Variants in KCNJ15 observed in about 807,000 individuals in gnomAD.
KCNJ15 encodes the protein potassium inwardly rectifying channel subfamily J member 15.
In KCNJ15, 14 loss-of-function variants were observed where a neutral mutation model predicts 23.0. That is an observed-to-expected ratio of 0.61 (90% CI 0.40 to 0.95). The LOEUF (loss-of-function observed/expected upper bound fraction) is 0.95, where lower values mean the gene tolerates loss of function less well. Among genes scored for constraint, KCNJ15 ranks in the 40% least tolerant of loss-of-function variants. The pLI is 0.00. For missense variants in KCNJ15, 388 were observed against 461.8 expected (o/e 0.84, Z 1.46); for synonymous variants, 185 against 183.2 (o/e 1.01, Z -0.08).
intron 1 of KCNJ15, among the ~76,000 whole-genome samples, chr21:38,260,655 G>A (rs915308239): frequency 8.5e-5 from 13 of 152,196 alleles, no homozygotes; most frequent in Non-Finnish European, 1.5e-4. Flanking sequence ...GAAGATGCAG[G>A]AGAAGGACAA....
rs769869767 is a variant in KCNJ15 at position 38,301,783 on chromosome 21, T to C, written c.*1394T>C. The C allele has an allele frequency of 6.0e-6, 1 of 167,050 alleles. No homozygotes were observed. The highest frequency in any genetic ancestry group is 1.5e-5 in the Non-Finnish European group (1 of 68,106). 10.3% of individuals were successfully genotyped at this position (167,050 alleles called of 1,614,324 possible). On this transcript the variant is annotated 3_prime_UTR_variant, in exon 3 of 3. Transcript: ENST00000398938. ...AGGGGTCTAGTGCCCTGCATTCCTT[T>C]GAGGCAAAAAATAAATGGGCTATGA...
chr21:38,231,476 G>T (rs966496165), intron 1 of KCNJ15, among the ~76,000 whole-genome samples: 1 of 151,810 alleles, frequency 6.6e-6, no homozygotes, highest in East Asian at 1.9e-4. Context: ...CCAATATATT[G>T]TTAAATAGAA....
In KCNJ15 at chr21:38,286,394, A is replaced by G. The variant is rs975359082; in HGVS notation, c.-116-10532A>G. ...CCCCCTCTGTTTTTATGTCAGAAGAAACTGTACCATTACTTCTAGAGTAGA... is the reference window on the plus strand; with the variant it reads ...CCCCCTCTGTTTTTATGTCAGAAGAGACTGTACCATTACTTCTAGAGTAGA... On this transcript the variant is annotated intron_variant, in intron 1 of 2. Transcript: ENST00000398938. Among the ~76,000 whole-genome samples, 3 of 152,226 alleles carry G rather than the reference A, an allele frequency of 2.0e-5. No individual in the cohort carries two copies. In the East Asian group the frequency reaches 5.8e-4, roughly 29 times the overall value.
At chr21:38,297,325 G>A (rs144529990) in intron 2 of KCNJ15, among the ~76,000 whole-genome samples, 1 of 152,200 alleles carries the variant, frequency 6.6e-6, no homozygotes. Flanking sequence ...CTTTGAAAGA[G>A]AGTTTCAAAC....
chr21:38,241,957 A>C (rs1408231517), intron 1 of KCNJ15, among the ~76,000 whole-genome samples: 1 of 147,096 alleles, frequency 6.8e-6, no homozygotes, highest in Non-Finnish European at 1.5e-5. Flanking sequence ...TGACAGAGCA[A>C]GACTCCATCT....
intron 1 of KCNJ15, among the ~76,000 whole-genome samples, chr21:38,240,341 C>T (rs2123552808): frequency 6.6e-6 from 1 of 152,324 alleles, no homozygotes; most frequent in South Asian, 2.1e-4. Flanking sequence ...TGAAGCCACT[C>T]TGGCCAGTTT....
At chr21:38,272,102 C>T (rs1236728904) in intron 1 of KCNJ15, 2 of 152,222 alleles carry the variant, frequency 1.3e-5, no homozygotes, top group East Asian at 3.8e-4. Flanking sequence ...CTGGTGACTT[C>T]TACCACCTCT....
chr21:38,260,834 C>T (rs1217553947), intron 1 of KCNJ15, among the ~76,000 whole-genome samples: 2 of 152,120 alleles, frequency 1.3e-5, no homozygotes, highest in African/African-American at 4.8e-5. Flanking sequence ...TTGATTCTGT[C>T]TCTCCCACCC....
chr21:38,238,263 C>A (rs1049625896), intron 1 of KCNJ15: 3 of 670,012 alleles, frequency 4.5e-6, no homozygotes, highest in African/African-American at 3.6e-5. Context: ...CACAGGGATC[C>A]ATGATGAGCA....
Position 38,301,968 on chromosome 21 carries a change from ACACACACACACATG to A in KCNJ15, c.*1587_*1600del, listed in dbSNP as rs1569025770. On this transcript the variant is annotated 3_prime_UTR_variant, in exon 3 of 3. Transcript: ENST00000398938. ...CAAGCACACACACAGTCACACACGC[ACACACACACACATG>A]CACACACGCGCGTGCACACACGCAC... 1 of 150,994 alleles carries A rather than the reference ACACACACACACATG, an allele frequency of 6.6e-6. No homozygotes were observed. Among genetic ancestry groups the A allele is most frequent in the African/African-American group, 2.5e-5 (1 of 40,506 alleles). The allele number at this position is 150,994 out of a possible 1,614,324, so 9.4% of individuals were successfully genotyped here. A position where few individuals can be genotyped will look rare whatever the true frequency, so the allele number is the denominator to read the frequency against.
intron 1 of KCNJ15, among the ~76,000 whole-genome samples, chr21:38,278,554 A>G (rs2123671261): frequency 6.6e-6 from 1 of 152,288 alleles, no homozygotes; most frequent in African/African-American, 2.4e-5. Context: ...AGATATCTCT[A>G]GTACACTGAG....
chr21:38,252,940 C>T (rs1331921547), upstream of KCNJ15, among the ~76,000 whole-genome samples: 2 of 152,218 alleles, frequency 1.3e-5, no homozygotes, highest in Non-Finnish European at 2.9e-5. Flanking sequence ...TGCCCTTGGG[C>T]TATGGGAGCC....
intron 1 of KCNJ15, among the ~76,000 whole-genome samples, chr21:38,291,106 C>T (rs916401671): frequency 6.6e-6 from 1 of 152,094 alleles, no homozygotes; most frequent in Non-Finnish European, 1.5e-5. Flanking sequence ...CAATGTGGCT[C>T]TCCAAAGAGT....
At chr21:38,291,177 T>C (rs1280804376) in intron 1 of KCNJ15, among the ~76,000 whole-genome samples, 1 of 152,076 alleles carries the variant, frequency 6.6e-6, no homozygotes, top group Admixed American at 6.5e-5. Flanking sequence ...CTTCCAAAAG[T>C]ATTTAACCAC....
chr21:38,235,343 C>G (rs1474766697), intron 1 of KCNJ15, among the ~76,000 whole-genome samples: 1 of 151,854 alleles, frequency 6.6e-6, no homozygotes. Flanking sequence ...CAAATGAGGT[C>G]AGGAGTTTCA....
In KCNJ15 at chr21:38,300,537, T is replaced by C. The variant is rs568633405; in HGVS notation, c.*148T>C. 4.5e-6 allele frequency: 3 copies of C among 663,022 alleles called. No homozygotes were observed. The highest frequency in any genetic ancestry group is 5.7e-5 in the East Asian group (2 of 35,326). The allele number at this position is 663,022 out of a possible 1,614,324, so 41.1% of individuals were successfully genotyped here. A position where few individuals can be genotyped will look rare whatever the true frequency, so the allele number is the denominator to read the frequency against. On this transcript the variant is annotated 3_prime_UTR_variant, in exon 3 of 3. Transcript: ENST00000398938. Reference sequence around the variant, plus strand: ...ACAAAATCAATCTTTTCCTTTGATCTTGTGGCTAAACCAGCATTTCTGTGT... The same window carrying C: ...ACAAAATCAATCTTTTCCTTTGATCCTGTGGCTAAACCAGCATTTCTGTGT...
chr21:38,303,759 G>A lies in KCNJ15; in HGVS notation c.*3370G>A, dbSNP rs1270891570. On this transcript the variant is annotated 3_prime_UTR_variant, in exon 3 of 3. Transcript: ENST00000398938. ...ACTGTGATTTCAATATTATCGAAAT[G>A]TAAACAAAGATATATTTTTAAGGTG... 1.3e-5 allele frequency: 2 copies of A among 152,132 alleles called. No individual in the cohort carries two copies. Among genetic ancestry groups the A allele is most frequent in the Non-Finnish European group, 2.9e-5 (2 of 68,024 alleles). 9.4% of individuals were successfully genotyped at this position (152,132 alleles called of 1,614,324 possible).
At chr21:38,257,404 A>G (rs1158536675) in intron 1 of KCNJ15, among the ~76,000 whole-genome samples, 1 of 152,218 alleles carries the variant, frequency 6.6e-6, no homozygotes, top group African/African-American at 2.4e-5. Context: ...AAAGTGTTTT[A>G]TTCTTGCTCG....
rs1432904207 is a variant in KCNJ15 at position 38,304,648 on chromosome 21, A to T, written c.*4259A>T. 1.5e-5 allele frequency: 2 copies of T among 134,712 alleles called. No individual in the cohort carries two copies. The highest frequency in any genetic ancestry group is 3.2e-5 in the Non-Finnish European group (2 of 62,264). The allele number at this position is 134,712 out of a possible 1,614,324, so 8.3% of individuals were successfully genotyped here. ...TAACTGCATACACTTTACCCTTTGT[A>T]AACTTCAATTTATCTTTTTTTTTTT... On this transcript the variant is annotated 3_prime_UTR_variant, in exon 3 of 3. Coordinates refer to ENST00000398938, the MANE Select transcript of KCNJ15 (RefSeq NM_170736.3).
Sources: gnomAD v4.1 joint callset for allele counts (sites outside exome capture counted in the v4.1 genomes callset) on GRCh38, gnomAD v4.1.1 for gene constraint, MANE v1.5 for transcripts, NCBI Gene and HGNC (gene_info 2026-07-23, HGNC 2026-07-21) for gene names.